The following XKR6 variants were observed in gnomAD, a reference collection of about 807,000 sequenced individuals.
The protein encoded by XKR6 is XK-related protein 6.
A neutral mutation model predicts 56.7 loss-of-function variants in XKR6; 22 were observed. The observed-to-expected ratio is 0.39, with a 90% CI of 0.28 to 0.55. The LOEUF (loss-of-function observed/expected upper bound fraction) is 0.55, where lower values mean the gene tolerates loss of function less well. Among genes scored for constraint, XKR6 ranks in the 20% least tolerant of loss-of-function variants. XKR6 has a pLI of 0.66. For synonymous variants in XKR6, 524 were observed against 387.8 expected, an observed-to-expected ratio of 1.35 and a Z score of -4.13; for missense variants, 852 against 889.0, an observed-to-expected ratio of 0.96 and a Z score of 0.53.
At chr8:11,181,541 CCTTT>C (rs762818275) in intron 1 of XKR6, among the ~76,000 whole-genome samples, 29 of 152,188 alleles carry the variant, frequency 1.9e-4, no homozygotes, top group Non-Finnish European at 3.8e-4. Context: ...CATTGTTAGA[CCTTT>C]ATTTGGAGAA....
At chr8:11,163,240 G>A (rs578139946) in intron 1 of XKR6, among the ~76,000 whole-genome samples, 64 of 152,276 alleles carry the variant, frequency 4.2e-4, no homozygotes, top group African/African-American at 1.5e-3. Context: ...CTTTAAACAT[G>A]AGCAGATTTT....
chr8:10,952,223 G>A (rs539444960), intron 1 of XKR6, among the ~76,000 whole-genome samples: 8 of 152,008 alleles, frequency 5.3e-5, no homozygotes, highest in African/African-American at 4.8e-5. Flanking sequence ...AGGCCTCCCC[G>A]TGACGTTCCC....
chr8:10,992,309 T>TCA (rs1676336051), intron 1 of XKR6, among the ~76,000 whole-genome samples: 7 of 150,442 alleles, frequency 4.7e-5, no homozygotes, highest in African/African-American at 1.7e-4. Flanking sequence ...ACACACACAT[T>TCA]CACACACCAG....
chr8:11,058,461 G>C (rs922003867), intron 1 of XKR6, among the ~76,000 whole-genome samples: 2 of 152,152 alleles, frequency 1.3e-5, no homozygotes, highest in Non-Finnish European at 2.9e-5. Flanking sequence ...TGATAGACTG[G>C]ATAAAGAAAA....
At chr8:11,049,400 G>A (rs1216438966) in intron 1 of XKR6, among the ~76,000 whole-genome samples, 2 of 152,188 alleles carry the variant, frequency 1.3e-5, no homozygotes, top group Non-Finnish European at 2.9e-5. Context: ...TGAACAGGTG[G>A]ATGCCTGATG....
intron 2 of XKR6, among the ~76,000 whole-genome samples, chr8:10,899,301 A>G (rs984303691): frequency 6.6e-6 from 1 of 152,240 alleles, no homozygotes; most frequent in Non-Finnish European, 1.5e-5. Flanking sequence ...CGCTGTCACC[A>G]GCAGCCTGTG....
intron 1 of XKR6, among the ~76,000 whole-genome samples, chr8:10,948,341 A>T (rs777550609): frequency 2.6e-5 from 4 of 152,162 alleles, no homozygotes; most frequent in Non-Finnish European, 5.9e-5. Flanking sequence ...GTCCTGTGGA[A>T]GATGCCCAGC....
intron 1 of XKR6, among the ~76,000 whole-genome samples, chr8:11,076,927 A>G (rs1458548752): frequency 6.6e-5 from 10 of 152,204 alleles, no homozygotes; most frequent in Non-Finnish European, 1.5e-4. Context: ...GTGTAATCCC[A>G]GCACTTTGGA....
intron 1 of XKR6, among the ~76,000 whole-genome samples, chr8:10,942,469 T>G (rs1054906330): frequency 4.6e-5 from 7 of 152,140 alleles, no homozygotes; most frequent in Admixed American, 1.3e-4. Flanking sequence ...TCCCAGGACT[T>G]CCTGCTCCCA....
chr8:11,096,923 G>A (rs1586539605), intron 1 of XKR6, among the ~76,000 whole-genome samples: 1 of 152,218 alleles, frequency 6.6e-6, no homozygotes, highest in African/African-American at 2.4e-5. Context: ...GTTTCAGGAT[G>A]GCAGATTCTG....
chr8:11,055,118 G>A (rs1044558167), intron 1 of XKR6, among the ~76,000 whole-genome samples: 2 of 152,212 alleles, frequency 1.3e-5, no homozygotes, highest in African/African-American at 4.8e-5. Context: ...ACTTTATTCA[G>A]GGGGACTGCC....
intron 1 of XKR6, among the ~76,000 whole-genome samples, chr8:11,097,043 G>A (rs1301830712): frequency 6.6e-6 from 1 of 152,186 alleles, no homozygotes; most frequent in East Asian, 1.9e-4. Context: ...GTTCCATCCA[G>A]AAGATGGAAG....
chr8:11,114,773 G>GTGTGTGTGTGTGTGTATATA (rs34746866), intron 1 of XKR6, among the ~76,000 whole-genome samples: 1 of 146,502 alleles, frequency 6.8e-6, no homozygotes, highest in Non-Finnish European at 1.5e-5. Context: ...GTGTGTGTGT[G>GTGTGTGTGTGTGTGTATATA]TATGTGCCAG....
chr8:11,164,448 T>C (rs908098451), intron 1 of XKR6, among the ~76,000 whole-genome samples: 7 of 152,192 alleles, frequency 4.6e-5, no homozygotes, highest in Non-Finnish European at 1.5e-5. Context: ...TCTTCTCCCC[T>C]ATGGGTTCCT....
chr8:11,156,130 C>G (rs1181259947), intron 1 of XKR6, among the ~76,000 whole-genome samples: 2 of 152,170 alleles, frequency 1.3e-5, no homozygotes, highest in African/African-American at 4.8e-5. Flanking sequence ...CTTCTCCTGC[C>G]TCTCTAATTT....
chr8:11,023,428 G>A (rs534452877), intron 1 of XKR6, among the ~76,000 whole-genome samples: 5 of 152,288 alleles, frequency 3.3e-5, no homozygotes, highest in South Asian at 2.1e-4. Flanking sequence ...CACCACACCC[G>A]ACTAATTTTA....
intron 2 of XKR6, among the ~76,000 whole-genome samples, chr8:10,912,304 GTGTATATATATATATATATATATATA>G (rs1344028610): frequency 8.4e-5 from 2 of 23,884 alleles, no homozygotes; most frequent in Non-Finnish European, 1.5e-4. Flanking sequence ...TAAAGAGAGG[GTGTATATATATATATATATATATATA>G]TATATATATA....
intron 1 of XKR6, among the ~76,000 whole-genome samples, chr8:10,937,892 A>G (rs552835717): frequency 6.6e-6 from 1 of 152,070 alleles, no homozygotes; most frequent in East Asian, 1.9e-4. Context: ...GAGCCTACAG[A>G]GGCAGGCAGG....
chr8:11,046,228 C>A (rs61027371), intron 1 of XKR6, among the ~76,000 whole-genome samples: 3 of 151,960 alleles, frequency 2.0e-5, no homozygotes, highest in African/African-American at 4.8e-5. Flanking sequence ...GTGAAACCCC[C>A]GTCTCTACTA....
Sources: allele counts gnomAD v4.1 joint callset (sites outside exome capture counted in the v4.1 genomes callset), GRCh38; gene constraint gnomAD v4.1.1; transcripts MANE v1.5; gene names NCBI Gene and HGNC (gene_info 2026-07-23, HGNC 2026-07-21).